The following ZC2HC1A variants were observed in gnomAD, a reference collection of about 807,000 sequenced individuals.
The protein encoded by ZC2HC1A is zinc finger C2HC domain-containing protein 1A.
In ZC2HC1A, 28 loss-of-function variants were observed where a neutral mutation model predicts 40.7. The observed-to-expected ratio is 0.69, with a 90% confidence interval of 0.51 to 0.94. The LOEUF is 0.94. Ranked by LOEUF, ZC2HC1A falls within the 40% of genes least tolerant of loss-of-function variation. The pLI is 0.00. For synonymous variants in ZC2HC1A, 129 were observed against 129.2 expected, an observed-to-expected ratio of 1.00 and a Z score of 0.01; for missense variants, 389 against 386.3, an observed-to-expected ratio of 1.01 and a Z score of -0.06.
chr8:78,684,858 GT>G (rs1193033384), intron 3 of ZC2HC1A, among the ~76,000 whole-genome samples: 2 of 151,996 alleles, frequency 1.3e-5, no homozygotes, highest in Middle Eastern at 3.2e-3. Flanking sequence ...AAAATGAACT[GT>G]TTTTCAAATA....
At chr8:78,702,757 A>C (rs192147484) in intron 7 of ZC2HC1A, among the ~76,000 whole-genome samples, 1 of 152,220 alleles carries the variant, frequency 6.6e-6, no homozygotes, top group East Asian at 1.9e-4. Flanking sequence ...ATTTATATGT[A>C]GTTGTAGGGT....
chr8:78,701,498 C>T (rs948630831), intron 7 of ZC2HC1A, among the ~76,000 whole-genome samples: 2 of 152,110 alleles, frequency 1.3e-5, no homozygotes, highest in Non-Finnish European at 2.9e-5. Context: ...CTTTCTCTTG[C>T]CTGATTGCAC....
At position 78,718,427 on chromosome 8, in the gene ZC2HC1A, A is replaced by T. The variant is rs897611116; in HGVS notation, c.*934A>T. ...GAATAAATCATTTTAATGCATCTTA[A>T]ATCACGTCACCTAATCATAATAGTT... On this transcript the variant is annotated 3_prime_UTR_variant, in exon 9 of 9. Coordinates refer to ENST00000263849, the MANE Select transcript of ZC2HC1A (RefSeq NM_016010.3). 3.9e-5 allele frequency: 6 copies of T among 152,086 alleles called. No individual in the cohort carries two copies. Among genetic ancestry groups the T allele is most frequent in the Middle Eastern group, 3.4e-3 (1 of 294 alleles). The allele number at this position is 152,086 out of a possible 1,614,324, so 9.4% of individuals were successfully genotyped here. A position where few individuals can be genotyped will look rare whatever the true frequency, so the allele number is the denominator to read the frequency against.
chr8:78,685,343 A>C (rs1175255820), intron 3 of ZC2HC1A, among the ~76,000 whole-genome samples: 1 of 152,228 alleles, frequency 6.6e-6, no homozygotes, highest in Non-Finnish European at 1.5e-5. Flanking sequence ...AGGAAATTTT[A>C]ATTGAAACTG....
chr8:78,701,026 A>G (rs1296104730), intron 7 of ZC2HC1A, among the ~76,000 whole-genome samples: 1 of 152,158 alleles, frequency 6.6e-6, no homozygotes, highest in Non-Finnish European at 1.5e-5. Flanking sequence ...TGGTTCTGTG[A>G]AGAATGTCAC....
chr8:78,666,132 C>T lies in ZC2HC1A; in HGVS notation c.-17C>T. On this transcript the variant is annotated 5_prime_UTR_variant, in exon 1 of 9. Coordinates refer to ENST00000263849, the MANE Select transcript of ZC2HC1A (RefSeq NM_016010.3). Reference sequence around the variant, plus strand: ...GCGCTGCTGAAGGAGTCTCGCTGAGCTCGAGGAGGTGGCGCGATGGAGGGA... The same window carrying T: ...GCGCTGCTGAAGGAGTCTCGCTGAGTTCGAGGAGGTGGCGCGATGGAGGGA... The T allele has an allele frequency of 6.4e-7, 1 of 1,567,686 alleles. No homozygotes were observed. Among genetic ancestry groups the T allele is most frequent in the Non-Finnish European group, 8.6e-7 (1 of 1,156,286 alleles).
intron 5 of ZC2HC1A, among the ~76,000 whole-genome samples, chr8:78,693,874 C>T (rs1035873248): frequency 1.3e-5 from 2 of 152,108 alleles, no homozygotes; most frequent in Non-Finnish European, 2.9e-5. Flanking sequence ...AGGTCTAACA[C>T]TTAAGTCTTT....
rs1398734926 is a variant in ZC2HC1A, at chr8:78,715,333, G to C, written c.812+5G>C. On this transcript the variant is annotated splice_donor_5th_base_variant and intron_variant, in intron 8 of 8. Coordinates refer to ENST00000263849, the MANE Select transcript of ZC2HC1A (RefSeq NM_016010.3). The stretch of plus-strand genomic sequence containing the variant: ...TACTGAGAGCTACATAGCCAGGTAT[G>C]TTTAGCTCTGCTCTCCCAATAACTA... 2.5e-6 allele frequency: 4 copies of C among 1,604,072 alleles called. No homozygotes were observed. The highest frequency in any genetic ancestry group is 4.5e-5 in the East Asian group (2 of 44,564).
intron 5 of ZC2HC1A, among the ~76,000 whole-genome samples, chr8:78,695,197 A>G (rs774193658): frequency 2.8e-4 from 43 of 152,320 alleles, no homozygotes; most frequent in Non-Finnish European, 4.7e-4. Context: ...GGATATAAGT[A>G]AGGTTGTTCT....
chr8:78,679,662 G>C (rs1335894165), intron 3 of ZC2HC1A, among the ~76,000 whole-genome samples: 1 of 152,114 alleles, frequency 6.6e-6, no homozygotes, highest in African/African-American at 2.4e-5. Context: ...TCAGTGAAGT[G>C]ATTTAAGCTA....
At chr8:78,713,378 A>G (rs991055751) in intron 7 of ZC2HC1A, among the ~76,000 whole-genome samples, 12 of 152,098 alleles carry the variant, frequency 7.9e-5, no homozygotes, top group Non-Finnish European at 2.9e-5. Context: ...ACCTCAAGTT[A>G]CCGATATGGT....
intron 5 of ZC2HC1A, among the ~76,000 whole-genome samples, chr8:78,694,716 G>A (rs1383846019): frequency 6.6e-6 from 1 of 152,024 alleles, no homozygotes; most frequent in East Asian, 1.9e-4. Context: ...TGTCCTACAA[G>A]TTCTTTAGAC....
rs1370971115 is a variant in ZC2HC1A, at chr8:78,698,435, C to T, written c.626C>T (p.Ser209Phe). Reference protein sequence around the residue: ...TVVGVPSGKVSSSSSSLGNKL... With the variant: ...TVVGVPSGKVFSSSSSLGNKL... ...TAAGGTGTTCCTTCAGGTAAAGTGT[C>T]TTCAAGTAGCAGCTCTTTGGGAAAC... Residue 209 changes from serine (S) to phenylalanine (F), a missense_variant, in exon 7 of 9, where the codon TCT becomes TTT. Transcript: ENST00000263849. 17 of 1,612,512 alleles carry T rather than the reference C, an allele frequency of 1.1e-5. No homozygotes were observed. The highest frequency in any genetic ancestry group is 1.4e-5 in the Non-Finnish European group (16 of 1,179,246).
At chr8:78,674,222 A>G (rs879313129) in intron 1 of ZC2HC1A, among the ~76,000 whole-genome samples, 26 of 152,072 alleles carry the variant, frequency 1.7e-4, no homozygotes, top group Non-Finnish European at 3.2e-4. Context: ...TGCTGAATCC[A>G]TTTTTGTCAA....
chr8:78,702,256 A>G (rs1810629007), intron 7 of ZC2HC1A, among the ~76,000 whole-genome samples: 1 of 152,098 alleles, frequency 6.6e-6, no homozygotes, highest in Non-Finnish European at 1.5e-5. Flanking sequence ...GTTTATGTGT[A>G]TTGAGGTATT....
At chr8:78,706,419 A>C (rs923225636) in intron 7 of ZC2HC1A, among the ~76,000 whole-genome samples, 1 of 152,098 alleles carries the variant, frequency 6.6e-6, no homozygotes, top group Admixed American at 6.6e-5. Flanking sequence ...AAGACTCCCC[A>C]TATCTGTATG....
In ZC2HC1A at chr8:78,666,094, T is replaced by C; in HGVS notation, c.-55T>C. 7 of 1,554,768 alleles carry C rather than the reference T, an allele frequency of 4.5e-6. No homozygotes were observed. Among genetic ancestry groups the C allele is most frequent in the Non-Finnish European group, 6.1e-6 (7 of 1,149,230 alleles). The stretch of plus-strand genomic sequence containing the variant: ...GCGGCTGGGTTGCTACAGCCAGAGC[T>C]GGGCGGTGGCGGGCGCTGCTGAAGG... On this transcript the variant is annotated 5_prime_UTR_variant, in exon 1 of 9. Transcript: ENST00000263849.
At chr8:78,690,114 TG>T (rs2130506276) in intron 5 of ZC2HC1A, among the ~76,000 whole-genome samples, 1 of 152,328 alleles carries the variant, frequency 6.6e-6, no homozygotes, top group Non-Finnish European at 1.5e-5. Context: ...TGAATATAAA[TG>T]TATGGGTTTA....
At chr8:78,666,282 C>T (rs944514267) in intron 1 of ZC2HC1A, 118 bp downstream of exon 1, 3 of 1,481,800 alleles carry the variant, frequency 2.0e-6, no homozygotes, top group African/African-American at 2.8e-5. Context: ...CTCGCCGCGT[C>T]CCGCCGCGCC....
Sources: allele counts gnomAD v4.1 joint callset (sites outside exome capture counted in the v4.1 genomes callset), GRCh38; gene constraint gnomAD v4.1.1; transcripts MANE v1.5; gene names NCBI Gene and HGNC (gene_info 2026-07-23, HGNC 2026-07-21).